Variants in RANBP2 observed in about 807,000 individuals in gnomAD.
RANBP2 encodes E3 SUMO-protein ligase RanBP2.
Under a neutral mutation model 303.6 loss-of-function variants are expected in RANBP2, and 57 were observed. The ratio of observed to expected loss-of-function variants is 0.19; its 90% CI spans 0.15 to 0.23. RANBP2 has a LOEUF of 0.23. RANBP2 is among the 10% of genes least tolerant of loss of function. The pLI, the probability that RANBP2 is intolerant of heterozygous loss-of-function variation, is 1.00. For synonymous variants in RANBP2, 1,167 were observed against 1,301.5 expected (o/e 0.90, Z 2.23); for missense variants, 3,138 against 3,780.8 (o/e 0.83, Z 4.46).
the RANBP2 span, among the ~76,000 whole-genome samples, chr2:109,037,806 G>A: frequency 6.6e-6 from 1 of 152,152 alleles, no homozygotes; most frequent in African/African-American, 2.4e-5. Context: ...AAATAAAAGA[G>A]GATTTAGCTA....
chr2:109,421,493 G>A, the RANBP2 span, among the ~76,000 whole-genome samples: 1 of 152,240 alleles, frequency 6.6e-6, no homozygotes, highest in Admixed American at 6.5e-5. Flanking sequence ...CCCCTCAAGA[G>A]TTGTGAATAT....
the RANBP2 span, among the ~76,000 whole-genome samples, chr2:109,498,667 G>A: frequency 6.6e-6 from 1 of 152,214 alleles, no homozygotes; most frequent in African/African-American, 2.4e-5. Flanking sequence ...GTATCAAGTA[G>A]GTCCAGGATG....
downstream of RANBP2, among the ~76,000 whole-genome samples, chr2:108,786,555 C>T (rs1028966905): frequency 1.3e-5 from 2 of 152,164 alleles, no homozygotes; most frequent in African/African-American, 4.8e-5. Context: ...GCCCCTCAAC[C>T]CGTGGCACCC....
chr2:108,851,158 A>G, the RANBP2 span, among the ~76,000 whole-genome samples: 1 of 152,168 alleles, frequency 6.6e-6, no homozygotes, highest in African/African-American at 2.4e-5. Context: ...GATGTAGATG[A>G]AGAGAGAGAC....
At chr2:108,744,678 A>G (rs1396266610) in intron 7 of RANBP2, among the ~76,000 whole-genome samples, 1 of 152,254 alleles carries the variant, frequency 6.6e-6, no homozygotes, top group Admixed American at 6.5e-5. Context: ...AAAATTCAAA[A>G]TCAGAAGCTT....
chr2:109,036,471 A>T, the RANBP2 span, among the ~76,000 whole-genome samples: 11 of 152,352 alleles, frequency 7.2e-5, no homozygotes, highest in African/African-American at 2.4e-4. Flanking sequence ...AGCATCGTAT[A>T]TAAAAAATTA....
chr2:109,277,944 G>T, the RANBP2 span, among the ~76,000 whole-genome samples: 1 of 151,216 alleles, frequency 6.6e-6, no homozygotes, highest in South Asian at 2.1e-4. Context: ...GGAGGCTGAG[G>T]TGAGAGGATC....
the RANBP2 span, chr2:109,567,900 A>G: frequency 2.5e-6 from 4 of 1,614,022 alleles, no homozygotes; most frequent in Non-Finnish European, 3.4e-6. Context: ...CAATTCACTC[A>G]TGAGCTTGAT....
Position 108,751,910 on chromosome 2 carries a change from T to C in RANBP2, c.1671T>C (p.His557=), listed in dbSNP as rs746491386. The change falls in exon 12 of 29, where the codon CAT becomes CAC. Residue 557 remains histidine (H), a synonymous_variant. Coordinates refer to ENST00000283195, the MANE Select transcript of RANBP2 (RefSeq NM_006267.5). ...NVAKLRLLVQ[H]EINTLRAQEK... is the part of the protein sequence containing the mutation. Reference sequence around the variant, plus strand: ...CAAAATTGAGACTTCTAGTTCAGCATGAAATAAACACTCTAAGAGCCCAGG... The same window carrying C: ...CAAAATTGAGACTTCTAGTTCAGCACGAAATAAACACTCTAAGAGCCCAGG... The C allele has an allele frequency of 3.1e-6, 5 of 1,611,958 alleles. No homozygotes were observed. The Admixed American group carries it at 8.3e-5, about 27-fold the overall frequency.
At chr2:109,431,359 C>T in the RANBP2 span, among the ~76,000 whole-genome samples, 3 of 152,204 alleles carry the variant, frequency 2.0e-5, no homozygotes, top group African/African-American at 4.8e-5. Context: ...ATCTTGTGAG[C>T]AAATAAAATA....
the RANBP2 span, chr2:108,929,062 TG>T: frequency 9.8e-7 from 1 of 1,025,480 alleles, no homozygotes; most frequent in Non-Finnish European, 1.5e-6. Flanking sequence ...CCTTGTGGGA[TG>T]GGACCAAGGC....
the RANBP2 span, among the ~76,000 whole-genome samples, chr2:108,817,846 G>T: frequency 6.6e-6 from 1 of 152,152 alleles, no homozygotes; most frequent in African/African-American, 2.4e-5. Context: ...TGTTAAGTTT[G>T]TGGTATTTGT....
At chr2:109,053,211 C>T in the RANBP2 span, among the ~76,000 whole-genome samples, 2 of 152,212 alleles carry the variant, frequency 1.3e-5, no homozygotes, top group Admixed American at 6.5e-5. Flanking sequence ...TCTGCACTTC[C>T]AAGGTTTGTT....
the RANBP2 span, among the ~76,000 whole-genome samples, chr2:109,057,492 C>T: frequency 1.3e-5 from 2 of 152,150 alleles, no homozygotes; most frequent in African/African-American, 2.4e-5. Flanking sequence ...GAGCAGATTG[C>T]GGAGTCGAAG....
chr2:109,204,695 A>G, the RANBP2 span, among the ~76,000 whole-genome samples: 1 of 152,226 alleles, frequency 6.6e-6, no homozygotes, highest in Admixed American at 6.5e-5. Flanking sequence ...GAACTGTTCT[A>G]GCAGTCTCTT....
At chr2:109,684,853 A>G in the RANBP2 span, among the ~76,000 whole-genome samples, 1 of 149,290 alleles carries the variant, frequency 6.7e-6, no homozygotes, top group Non-Finnish European at 1.5e-5. Context: ...TATTTTTAAT[A>G]TTAAATTAAA....
At chr2:109,545,346 T>G in the RANBP2 span, 1 of 1,496,966 alleles carries the variant, frequency 6.7e-7, no homozygotes. Flanking sequence ...AAAAATAAAC[T>G]TATTTTCTAA....
chr2:109,532,355 C>T, the RANBP2 span, among the ~76,000 whole-genome samples: 5 of 152,156 alleles, frequency 3.3e-5, no homozygotes, highest in Non-Finnish European at 7.3e-5. Flanking sequence ...AGCTTTTATA[C>T]TTCCAAAGCC....
At chr2:109,464,152 A>G in the RANBP2 span, among the ~76,000 whole-genome samples, 1 of 152,198 alleles carries the variant, frequency 6.6e-6, no homozygotes, top group Non-Finnish European at 1.5e-5. Flanking sequence ...TTCCAGGGAC[A>G]AGAGCTCACC....
Sources: allele counts gnomAD v4.1 joint callset (sites outside exome capture counted in the v4.1 genomes callset), GRCh38; gene constraint gnomAD v4.1.1; transcripts MANE v1.5; gene names NCBI Gene and HGNC (gene_info 2026-07-23, HGNC 2026-07-21).